TMTC2: variants seen among roughly 807,000 people sequenced by gnomAD.
TMTC2 encodes the protein protein O-mannosyl-transferase TMTC2.
A neutral mutation model predicts 82.4 loss-of-function variants in TMTC2; 43 were observed. That is an observed-to-expected ratio of 0.52 (90% CI 0.41 to 0.67). The LOEUF (loss-of-function observed/expected upper bound fraction) is 0.67, where lower values mean the gene tolerates loss of function less well. TMTC2 is among the 30% of genes least tolerant of loss of function. TMTC2 has a pLI of 0.00. For missense variants in TMTC2, 919 were observed against 1,012.4 expected (o/e 0.91, Z 1.25); for synonymous variants, 408 against 381.9 (o/e 1.07, Z -0.80).
chr12:83,097,224 A>G (rs1025675568), intron 11 of TMTC2, among the ~76,000 whole-genome samples: 3 of 152,182 alleles, frequency 2.0e-5, no homozygotes, highest in Non-Finnish European at 4.4e-5. Context: ...TTTAGTTTGC[A>G]TCTGTGTCCT....
At chr12:82,727,026 C>A (rs1874491188) in intron 1 of TMTC2, among the ~76,000 whole-genome samples, 1 of 151,574 alleles carries the variant, frequency 6.6e-6, no homozygotes, top group African/African-American at 2.4e-5. Context: ...AGTTGAGTGA[C>A]CTGTTAAATA....
At chr12:82,983,204 A>T (rs1459913419) in intron 7 of TMTC2, among the ~76,000 whole-genome samples, 1 of 152,022 alleles carries the variant, frequency 6.6e-6, no homozygotes, top group Non-Finnish European at 1.5e-5. Context: ...TTATTATCAT[A>T]GTCATCATTG....
Position 82,687,501 on chromosome 12 carries a change from C to A in TMTC2, c.-86C>A. On this transcript the variant is annotated 5_prime_UTR_variant, in exon 1 of 12. Transcript: ENST00000321196. The stretch of plus-strand genomic sequence containing the variant: ...AAGTGAAGCTGGGAGGAGAAGGCGG[C>A]GGAAGGTGGAGATTGATGCTTCTGT... 2 of 1,307,140 alleles carry A rather than the reference C, an allele frequency of 1.5e-6. No homozygotes were observed. The allele number at this position is 1,307,140 out of a possible 1,614,324, so 81.0% of individuals were successfully genotyped here. A position where few individuals can be genotyped will look rare whatever the true frequency, so the allele number is the denominator to read the frequency against.
rs141097552 is a variant in TMTC2, at chr12:82,748,488, A to T, written c.83+60819A>T. ...AAATTACTTAATCTCTTCAGACTCC[A>T]GTTTCTTCACGTGTAACATGGAGAC... On this transcript the variant is annotated intron_variant, in intron 1 of 11. Coordinates refer to ENST00000321196, the MANE Select transcript of TMTC2 (RefSeq NM_152588.3). Among the ~76,000 whole-genome samples the T allele has an allele frequency of 1.3e-4, 20 of 152,278 alleles. No individual in the cohort carries two copies. In the South Asian group the frequency reaches 3.1e-3, roughly 24 times the overall value.
At chr12:82,940,209 GT>G (rs909573667) in intron 4 of TMTC2, among the ~76,000 whole-genome samples, 4 of 151,784 alleles carry the variant, frequency 2.6e-5, no homozygotes, top group Admixed American at 6.6e-5. Flanking sequence ...TAGAGATGGA[GT>G]TTCTCCATGT....
At chr12:82,705,443 T>TA (rs1404144147) in intron 1 of TMTC2, among the ~76,000 whole-genome samples, 2 of 152,340 alleles carry the variant, frequency 1.3e-5, no homozygotes, top group East Asian at 3.9e-4. Flanking sequence ...TCTGAGAACT[T>TA]ATGTCAGAGG....
chr12:82,720,271 T>C (rs1874141964), intron 1 of TMTC2, among the ~76,000 whole-genome samples: 1 of 152,186 alleles, frequency 6.6e-6, no homozygotes, highest in African/African-American at 2.4e-5. Context: ...ATATACTGTC[T>C]ATATAAGTTT....
chr12:82,782,633 C>T (rs1277461552), intron 1 of TMTC2, among the ~76,000 whole-genome samples: 1 of 152,158 alleles, frequency 6.6e-6, no homozygotes, highest in African/African-American at 2.4e-5. Flanking sequence ...CATTTTGAAA[C>T]AGAACTTCTG....
chr12:82,687,807 T>G, intron 1 of TMTC2, 138 bp downstream of exon 1: 1 of 809,878 alleles, frequency 1.2e-6, no homozygotes, highest in Non-Finnish European at 1.9e-6. Flanking sequence ...CACGTAAACA[T>G]TAACACCTAA....
intron 4 of TMTC2, among the ~76,000 whole-genome samples, chr12:82,937,940 A>G (rs1451429080): frequency 1.5e-5 from 1 of 66,022 alleles, no homozygotes; most frequent in African/African-American, 3.5e-5. Flanking sequence ...TTTTTGAGAC[A>G]GTCTTACGCT....
chr12:82,892,845 A>C (rs1234354799), intron 2 of TMTC2, among the ~76,000 whole-genome samples: 1 of 152,098 alleles, frequency 6.6e-6, no homozygotes. Flanking sequence ...TGTCTCCTTT[A>C]TCTTTGCCAA....
chr12:83,046,684 A>G (rs907441068), intron 9 of TMTC2, among the ~76,000 whole-genome samples: 2 of 152,094 alleles, frequency 1.3e-5, no homozygotes, highest in Non-Finnish European at 2.9e-5. Context: ...CTTAACGGTA[A>G]TTCTTCAGGG....
intron 7 of TMTC2, among the ~76,000 whole-genome samples, chr12:82,981,450 T>C (rs1878914760): frequency 6.6e-6 from 1 of 151,922 alleles, no homozygotes; most frequent in Non-Finnish European, 1.5e-5. Flanking sequence ...GGTTTATGTC[T>C]GCCTGAAGCC....
chr12:82,835,409 G>A (rs1394575368), intron 1 of TMTC2, among the ~76,000 whole-genome samples: 1 of 152,036 alleles, frequency 6.6e-6, no homozygotes, highest in Non-Finnish European at 1.5e-5. Flanking sequence ...AAATGTCCCA[G>A]TATTTTTCCA....
chr12:82,715,539 C>T (rs1873858032), intron 1 of TMTC2, among the ~76,000 whole-genome samples: 1 of 152,100 alleles, frequency 6.6e-6, no homozygotes, highest in East Asian at 1.9e-4. Context: ...ACAAGTCTGT[C>T]CAGGTGTACT....
At chr12:82,816,210 C>G (rs1361424107) in intron 1 of TMTC2, among the ~76,000 whole-genome samples, 1 of 148,572 alleles carries the variant, frequency 6.7e-6, no homozygotes, top group Non-Finnish European at 1.5e-5. Context: ...TTAGAGAATG[C>G]TCTAAATAGT....
intron 8 of TMTC2, among the ~76,000 whole-genome samples, chr12:83,028,699 G>C (rs766773835): frequency 1.3e-5 from 2 of 152,072 alleles, no homozygotes; most frequent in Non-Finnish European, 1.5e-5. Context: ...CTAAACAAGT[G>C]TGGGAGCTGT....
intron 8 of TMTC2, among the ~76,000 whole-genome samples, chr12:83,025,918 G>C (rs1290754984): frequency 6.6e-6 from 1 of 152,300 alleles, no homozygotes; most frequent in South Asian, 2.1e-4. Flanking sequence ...TGCCCTGCTG[G>C]AATTGAGGTG....
rs12320425 is a variant in TMTC2, at chr12:83,030,485, C to G, written c.2071-313C>G. On this transcript the variant is annotated intron_variant, in intron 8 of 11. Coordinates refer to ENST00000321196, the MANE Select transcript of TMTC2 (RefSeq NM_152588.3). ...AAATGACAATAATGTTTCTTTAAAACTGTCTTGTCTTTCTGGTTTCTGTGA... is the reference window on the plus strand; with the variant it reads ...AAATGACAATAATGTTTCTTTAAAAGTGTCTTGTCTTTCTGGTTTCTGTGA... Among the ~76,000 whole-genome samples, 174 of 152,150 alleles carry G rather than the reference C, an allele frequency of 1.1e-3. 2 individuals are homozygous for G. Among genetic ancestry groups the G allele is most frequent in the African/African-American group, 4.0e-3 (167 of 41,518 alleles).
Sources: gnomAD v4.1 joint callset for allele counts (sites outside exome capture counted in the v4.1 genomes callset) on GRCh38, gnomAD v4.1.1 for gene constraint, MANE v1.5 for transcripts, NCBI Gene and HGNC (gene_info 2026-07-23, HGNC 2026-07-21) for gene names.